The following OR4K1 variants were observed in gnomAD, a reference collection of about 807,000 sequenced individuals.
OR4K1 encodes the protein olfactory receptor 4K1.
A neutral mutation model predicts 14.4 loss-of-function variants in OR4K1; 16 were observed. That is an observed-to-expected ratio of 1.11 (90% CI 0.75 to 1.68). The LOEUF (loss-of-function observed/expected upper bound fraction) is 1.68. Ranked by LOEUF, OR4K1 falls within the 40% of genes most tolerant of loss-of-function variation. The pLI, the probability that OR4K1 is intolerant of heterozygous loss-of-function variation, is 0.00. For missense variants in OR4K1, 548 were observed against 376.9 expected (o/e 1.45, Z -3.76); for synonymous variants, 181 against 133.1 (o/e 1.36, Z -2.48).
At chr14:19,921,708 G>C in the OR4K1 span, 1 of 1,018,462 alleles carries the variant, frequency 9.8e-7, no homozygotes. Context: ...ATATTAACAA[G>C]TCTTTTTCTA....
chr14:19,922,571 C>A, the OR4K1 span, among the ~76,000 whole-genome samples: 1 of 150,674 alleles, frequency 6.6e-6, no homozygotes, highest in African/African-American at 2.4e-5. Context: ...TTTGGTTTCT[C>A]TCCTTTAGGC....
At chr14:19,927,573 T>C (rs575349948), upstream of OR4K1, among the ~76,000 whole-genome samples, 1 of 152,316 alleles carries the variant, frequency 6.6e-6, no homozygotes, top group Non-Finnish European at 1.5e-5. Context: ...ACCAAAAACA[T>C]GGACTCTCTT....
At chr14:19,926,307 T>C (rs1446472723), upstream of OR4K1, among the ~76,000 whole-genome samples, 3 of 152,246 alleles carry the variant, frequency 2.0e-5, no homozygotes, top group Non-Finnish European at 4.4e-5. Flanking sequence ...ATTTATAGTT[T>C]GTTCAGCTTT....
At chr14:19,935,615 C>G in intron 1 of OR4K1, 33 bp from the exon 2 acceptor site, 12 of 1,419,020 alleles carry the variant, frequency 8.5e-6, no homozygotes, top group Non-Finnish European at 1.2e-5. Flanking sequence ...TAATGCCAAT[C>G]ATTGTGACAT....
chr14:19,933,906 T>C lies in OR4K1; in HGVS notation c.-19-1742T>C, dbSNP rs187500872. Reference sequence around the variant, plus strand: ...GGCCTGCATTCTTCTTAAAACCAATTCAATTCTTCATAACCAATGCAAACA... The same window carrying C: ...GGCCTGCATTCTTCTTAAAACCAATCCAATTCTTCATAACCAATGCAAACA... On this transcript the variant is annotated intron_variant, in intron 1 of 1. Coordinates refer to ENST00000641172, the MANE Select transcript of OR4K1 (RefSeq NM_001004063.3). 2.0e-5 allele frequency among the ~76,000 whole-genome samples: 3 copies of C among 152,324 alleles called. No homozygotes were observed. In the East Asian group the frequency reaches 5.8e-4, roughly 29 times the overall value.
upstream of OR4K1, among the ~76,000 whole-genome samples, chr14:19,927,510 G>A (rs578193521): frequency 6.6e-6 from 1 of 152,386 alleles, no homozygotes; most frequent in South Asian, 2.1e-4. Context: ...GAACGTATGT[G>A]AGTGGGCTCT....
chr14:19,936,612 C>T lies in OR4K1; in HGVS notation c.*10C>T, dbSNP rs768898431. 5.1e-5 allele frequency: 81 copies of T among 1,579,626 alleles called. No individual in the cohort carries two copies. Among genetic ancestry groups the T allele is most frequent in the Admixed American group, 9.1e-5 (5 of 54,848 alleles). On this transcript the variant is annotated 3_prime_UTR_variant, in exon 2 of 2. Coordinates refer to ENST00000641172, the MANE Select transcript of OR4K1 (RefSeq NM_001004063.3). ...CTCCTGGAAAAACTAGGGATCATTA[C>T]GAAGGAGCATAATCCTGAATTAGAA...
Position 19,931,123 on chromosome 14 carries a change from G to A in OR4K1, c.-42G>A. ...CTGGGAAAATAAGGAAGAAGTGAAA[G>A]ACTTGGACAACTTTTTCAAAGTGTA... On this transcript the variant is annotated 5_prime_UTR_variant, in exon 1 of 2. Coordinates refer to ENST00000641172, the MANE Select transcript of OR4K1 (RefSeq NM_001004063.3). 1 of 152,434 alleles carries A rather than the reference G, an allele frequency of 6.6e-6. No individual in the cohort carries two copies. The highest frequency in any genetic ancestry group is 1.9e-4 in the East Asian group (1 of 5,190). 9.4% of individuals were successfully genotyped at this position (152,434 alleles called of 1,614,324 possible).
chr14:19,927,739 G>C (rs535721287), upstream of OR4K1, among the ~76,000 whole-genome samples: 116 of 152,282 alleles, frequency 7.6e-4, 1 homozygote, highest in Non-Finnish European at 2.1e-4. Flanking sequence ...TCCTCTGAAG[G>C]GGGGGTAGTG....
At chr14:19,921,630 G>T in the OR4K1 span, 1 of 1,518,770 alleles carries the variant, frequency 6.6e-7, no homozygotes, top group Non-Finnish European at 8.9e-7. Context: ...ATATTTTAAT[G>T]TATTTTTGTG....
At chr14:19,921,087 T>C in the OR4K1 span, 5 of 1,614,216 alleles carry the variant, frequency 3.1e-6, no homozygotes, top group Non-Finnish European at 3.4e-6. Flanking sequence ...AAGCCAGTTA[T>C]CATTTACTGT....
chr14:19,929,564 T>C, upstream of OR4K1, among the ~76,000 whole-genome samples: 1 of 152,138 alleles, frequency 6.6e-6, no homozygotes, highest in East Asian at 1.9e-4. Flanking sequence ...CTAGTAATCT[T>C]TGTAGGCTAT....
chr14:19,920,704 T>G, the OR4K1 span: 1 of 1,614,156 alleles, frequency 6.2e-7, no homozygotes, highest in Non-Finnish European at 8.5e-7. Flanking sequence ...TTCTTCTCTG[T>G]GTTGTATACA....
the OR4K1 span, chr14:19,920,866 G>A: frequency 6.6e-5 from 107 of 1,614,028 alleles, no homozygotes; most frequent in Middle Eastern, 8.2e-4. Context: ...GATTTTCTGA[G>A]TGCACACGAG....
rs1594456881 is a variant in OR4K1 at position 19,935,949 on chromosome 14, G to C, written c.283G>C (p.Glu95Gln). ...TATTGAGCGCAAGACTATCTCCTTT[G>C]AGGGTTGCATGGCCCAGATATTCGT... is the stretch of plus-strand genomic sequence containing the variant. Reference protein sequence around the residue: ...FFIERKTISFEGCMAQIFVLH... With the variant: ...FFIERKTISFQGCMAQIFVLH... Residue 95 changes from glutamate to glutamine, a missense_variant, in exon 2 of 2, where the codon GAG becomes CAG. By Grantham distance (29) the Glu-to-Gln change is conservative (BLOSUM62 2). Coordinates refer to ENST00000641172, the MANE Select transcript of OR4K1 (RefSeq NM_001004063.3). The C allele has an allele frequency of 6.2e-7, 1 of 1,614,194 alleles. No individual in the cohort carries two copies. Among genetic ancestry groups the C allele is most frequent in the Non-Finnish European group, 8.5e-7 (1 of 1,180,022 alleles).
rs780376915 is a variant in OR4K1, at chr14:19,935,701, T to C, written c.35T>C (p.Phe12Ser). The change falls in exon 2 of 2, where the codon TTT becomes TCT. Residue 12 changes from phenylalanine to serine, a missense_variant. Transcript: ENST00000641172. ...ACAAATGAATCGATGGTGTCTGAGTTTGTACTTTTGGGACTCTCTAATTCC... is the reference window on the plus strand; with the variant it reads ...ACAAATGAATCGATGGTGTCTGAGTCTGTACTTTTGGGACTCTCTAATTCC... ...AHTNESMVSEFVLLGLSNSWG... is the reference protein window; with the variant it reads ...AHTNESMVSESVLLGLSNSWG... The C allele has an allele frequency of 6.2e-7, 1 of 1,610,552 alleles. No individual in the cohort carries two copies. Among genetic ancestry groups the C allele is most frequent in the Non-Finnish European group, 8.5e-7 (1 of 1,179,108 alleles).
chr14:19,928,581 T>G (rs1332531328), upstream of OR4K1, among the ~76,000 whole-genome samples: 3 of 152,200 alleles, frequency 2.0e-5, no homozygotes, highest in African/African-American at 4.8e-5. Context: ...GTTTTTATTT[T>G]TAATTGGGCA....
rs143569024 is a variant in OR4K1, at chr14:19,936,172, G to C, written c.506G>C (p.Cys169Ser). 132 of 1,614,244 alleles carry C rather than the reference G, an allele frequency of 8.2e-5. 1 individual carries two copies. In the African/African-American group the frequency reaches 1.6e-3, roughly 20 times the overall value. ...GCTTTTACAGTGGACCTGCCATTCT[G>C]TGGTCCCAATGAGGTGGATAGCTTC... ...HLAFTVDLPF[C>S]GPNEVDSFFC... is the part of the protein sequence containing the mutation. The change falls in exon 2 of 2, where the codon TGT becomes TCT. Residue 169 changes from cysteine to serine, a missense_variant. Cys to Ser is a moderately radical substitution (Grantham distance 112). Coordinates refer to ENST00000641172, the MANE Select transcript of OR4K1 (RefSeq NM_001004063.3).
the OR4K1 span, chr14:19,920,808 T>G: frequency 6.2e-7 from 1 of 1,614,234 alleles, no homozygotes; most frequent in East Asian, 2.2e-5. Context: ...AAACCTTTCC[T>G]TTGTTGACAT....
Sources: allele counts gnomAD v4.1 joint callset (sites outside exome capture counted in the v4.1 genomes callset), GRCh38; gene constraint gnomAD v4.1.1; transcripts MANE v1.5; gene names NCBI Gene and HGNC (gene_info 2026-07-23, HGNC 2026-07-21).